ASIC5: variants seen among roughly 807,000 people sequenced by gnomAD.
ASIC5 encodes the protein bile acid-sensitive ion channel.
ASIC5 carries 52 observed loss-of-function variants against 51.2 expected under a neutral mutation model. That is an observed-to-expected ratio of 1.02 (90% CI 0.81 to 1.28). The LOEUF is 1.28. Among genes scored for constraint, ASIC5 ranks in the 50% most tolerant of loss-of-function variants. The pLI is 0.00. For synonymous variants in ASIC5, 231 were observed against 200.7 expected (o/e 1.15, Z -1.28); for missense variants, 635 against 595.0 (o/e 1.07, Z -0.70).
intron 2 of ASIC5, 118 bp from the exon 3 acceptor site, chr4:155,854,432 T>A: frequency 1.3e-6 from 1 of 785,922 alleles, no homozygotes; most frequent in Non-Finnish European, 2.0e-6. Context: ...CTCCCTTATT[T>A]GCAAGACATT....
At chr4:155,842,879 C>T (rs914772271) in intron 5 of ASIC5, among the ~76,000 whole-genome samples, 3 of 152,060 alleles carry the variant, frequency 2.0e-5, no homozygotes, top group Non-Finnish European at 4.4e-5. Context: ...AAAAATGACT[C>T]TCAGCTAAGT....
chr4:155,845,117 T>G (rs574728433), intron 4 of ASIC5, among the ~76,000 whole-genome samples: 1 of 152,234 alleles, frequency 6.6e-6, no homozygotes. Context: ...AAAGATTTTT[T>G]ATTTTGACTA....
At chr4:155,835,009 C>A (rs1403944892) in intron 8 of ASIC5, among the ~76,000 whole-genome samples, 48 of 152,140 alleles carry the variant, frequency 3.2e-4, no homozygotes. Flanking sequence ...TCACTGAGAG[C>A]CACCTCCACC....
At chr4:155,859,902 C>T (rs916591563) in intron 2 of ASIC5, among the ~76,000 whole-genome samples, 4 of 151,980 alleles carry the variant, frequency 2.6e-5, no homozygotes, top group African/African-American at 4.8e-5. Flanking sequence ...GGGGAAGACT[C>T]CTTTAAAAAT....
chr4:155,836,899 AT>A, intron 7 of ASIC5, 42 bp from the exon 8 acceptor site: 1 of 1,408,710 alleles, frequency 7.1e-7, no homozygotes, highest in Non-Finnish European at 9.8e-7. Context: ...GAAGAGAAAT[AT>A]TTCATCATGG....
chr4:155,863,372 T>C, intron 2 of ASIC5, 76 bp downstream of exon 2: 2 of 1,193,196 alleles, frequency 1.7e-6, no homozygotes, highest in Non-Finnish European at 2.3e-6. Flanking sequence ...ATGAGAAAAC[T>C]CTTTGTCAGT....
intron 2 of ASIC5, among the ~76,000 whole-genome samples, chr4:155,855,962 A>G (rs1433113704): frequency 6.6e-6 from 1 of 151,942 alleles, no homozygotes; most frequent in Non-Finnish European, 1.5e-5. Flanking sequence ...ACACCTTTAA[A>G]AGTCTAAAAA....
At chr4:155,834,507 C>G (rs993931248) in intron 8 of ASIC5, among the ~76,000 whole-genome samples, 112 of 152,282 alleles carry the variant, frequency 7.4e-4, no homozygotes, top group African/African-American at 2.6e-3. Context: ...CTTTGTTCAG[C>G]TGCTCACCTT....
At chr4:155,837,536 G>C (rs986037788) in intron 7 of ASIC5, among the ~76,000 whole-genome samples, 1 of 152,122 alleles carries the variant, frequency 6.6e-6, no homozygotes, top group Non-Finnish European at 1.5e-5. Context: ...ATTCATGGTA[G>C]ATACTCAGGT....
chr4:155,854,340 T>C, intron 2 of ASIC5, 26 bp from the exon 3 acceptor site: 15 of 1,422,090 alleles, frequency 1.1e-5, no homozygotes, highest in Non-Finnish European at 1.5e-5. Context: ...AAGGCAATAG[T>C]TAGAATAATG....
In ASIC5 at chr4:155,861,075, A is replaced by G. The variant is rs889117012; in HGVS notation, c.347+2373T>C. On this transcript the variant is annotated intron_variant, in intron 2 of 9. Coordinates refer to ENST00000537611, the MANE Select transcript of ASIC5 (RefSeq NM_017419.3). ...TTGTGAATATCCCAAATTAATTTTG[A>G]TTATTGACCTCTAATTTTATTCTAT... Among the ~76,000 whole-genome samples, 8 of 151,870 alleles carry G rather than the reference A, an allele frequency of 5.3e-5. No homozygotes were observed. The South Asian group carries it at 1.7e-3, about 32-fold the overall frequency.
In ASIC5 at chr4:155,829,841, T is replaced by C; in HGVS notation, c.*15A>G. ...AGGTATCATGAAAAGGAAACTATTTTATTCTAAGTGACCATTAACACTCCT... is the reference window on the plus strand; with the variant it reads ...AGGTATCATGAAAAGGAAACTATTTCATTCTAAGTGACCATTAACACTCCT... On this transcript the variant is annotated 3_prime_UTR_variant, in exon 10 of 10. Transcript: ENST00000537611. 5 of 1,473,734 alleles carry C rather than the reference T, an allele frequency of 3.4e-6. No individual in the cohort carries two copies. Among genetic ancestry groups the C allele is most frequent in the Non-Finnish European group, 4.5e-6 (5 of 1,105,628 alleles). The allele number at this position is 1,473,734 out of a possible 1,614,324, so 91.3% of individuals were successfully genotyped here.
intron 2 of ASIC5, chr4:155,854,663 T>C (rs1741482200): frequency 4.2e-6 from 1 of 237,210 alleles, no homozygotes; most frequent in Admixed American, 5.2e-5. Flanking sequence ...CTGTGTCAGC[T>C]TAGCTAAATT....
intron 4 of ASIC5, among the ~76,000 whole-genome samples, chr4:155,850,318 C>A (rs1038586043): frequency 6.6e-6 from 1 of 152,074 alleles, no homozygotes; most frequent in South Asian, 2.1e-4. Flanking sequence ...GAAGCCTCCT[C>A]CCTGCTTCAA....
chr4:155,852,664 T>C (rs935735216), intron 3 of ASIC5, among the ~76,000 whole-genome samples: 1 of 151,846 alleles, frequency 6.6e-6, no homozygotes, highest in African/African-American at 2.4e-5. Flanking sequence ...GAGCTATGCC[T>C]AATGTAACCT....
intron 2 of ASIC5, among the ~76,000 whole-genome samples, chr4:155,861,918 A>G (rs910704398): frequency 3.6e-4 from 55 of 152,056 alleles, no homozygotes; most frequent in Non-Finnish European, 1.0e-4. Context: ...ATTTGTAATG[A>G]CCCAATTTTA....
At chr4:155,864,308 T>A (rs2110780957) in intron 1 of ASIC5, among the ~76,000 whole-genome samples, 1 of 152,292 alleles carries the variant, frequency 6.6e-6, no homozygotes, top group Non-Finnish European at 1.5e-5. Flanking sequence ...TGTTCAGTGT[T>A]CAGTTGTAGT....
rs762003960 is a variant in ASIC5 at position 155,863,576 on chromosome 4, G to C, written c.219C>G (p.Val73=). 3.1e-6 allele frequency: 5 copies of C among 1,613,652 alleles called. No homozygotes were observed. Among genetic ancestry groups the C allele is most frequent in the Admixed American group, 1.7e-5 (1 of 59,910 alleles). The change falls in exon 2 of 10, where the codon GTC becomes GTG. Residue 73 remains valine, a synonymous_variant. Transcript: ENST00000537611. ...TGTAGATCTGCCATGTCACAAGTGA[G>C]ACTGAGCCCAGAACCACCACCAACC... ...VLWLVVVLGS[V]SLVTWQIYIR... is the part of the protein sequence containing the mutation.
intron 4 of ASIC5, among the ~76,000 whole-genome samples, chr4:155,845,240 T>A (rs1741212978): frequency 6.6e-6 from 1 of 152,116 alleles, no homozygotes; most frequent in African/African-American, 2.4e-5. Flanking sequence ...AGAATTTTTT[T>A]AAAGAAGCTC....
Sources: gnomAD v4.1 joint callset for allele counts (sites outside exome capture counted in the v4.1 genomes callset) on GRCh38, gnomAD v4.1.1 for gene constraint, MANE v1.5 for transcripts, NCBI Gene and HGNC (gene_info 2026-07-23, HGNC 2026-07-21) for gene names.